Variants in TMEM217B observed in about 807,000 individuals in gnomAD.
TMEM217B encodes the protein putative transmembrane protein 217B.
the TMEM217B span, among the ~76,000 whole-genome samples, chr6:37,231,539 G>A: frequency 2.0e-5 from 3 of 150,356 alleles, no homozygotes; most frequent in African/African-American, 7.3e-5. Context: ...CAGTCATGGT[G>A]GCGTGCACCT....
the TMEM217B span, among the ~76,000 whole-genome samples, chr6:37,243,684 C>T: frequency 3.4e-3 from 518 of 152,206 alleles, 2 homozygotes; most frequent in African/African-American, 0.011. Flanking sequence ...CTGCAACCTC[C>T]GCCTCCTGGG....
At chr6:37,238,722 A>T in the TMEM217B span, among the ~76,000 whole-genome samples, 3 of 152,264 alleles carry the variant, frequency 2.0e-5, no homozygotes, top group Non-Finnish European at 4.4e-5. Context: ...AAGCATGAAG[A>T]CAAAAACAAG....
chr6:37,218,049 G>T, the TMEM217B span: 7 of 1,001,628 alleles, frequency 7.0e-6, no homozygotes, highest in South Asian at 4.4e-5. Context: ...TTGCAGAACT[G>T]CTAAGCAAAA....
At chr6:37,253,456 T>C in the TMEM217B span, among the ~76,000 whole-genome samples, 1 of 152,172 alleles carries the variant, frequency 6.6e-6, no homozygotes, top group African/African-American at 2.4e-5. Flanking sequence ...TCCTATAACC[T>C]CTTACTTTTT....
chr6:37,229,298 C>T, the TMEM217B span, among the ~76,000 whole-genome samples: 1 of 133,602 alleles, frequency 7.5e-6, no homozygotes, highest in African/African-American at 2.8e-5. Context: ...TTCAACAGGA[C>T]TTTGGAAAAT....
At chr6:37,239,474 TAAAA>T in the TMEM217B span, among the ~76,000 whole-genome samples, 22 of 79,278 alleles carry the variant, frequency 2.8e-4, no homozygotes, top group Admixed American at 3.6e-3. Flanking sequence ...GACTCTGTCT[TAAAA>T]AATAAATAAA....
the TMEM217B span, among the ~76,000 whole-genome samples, chr6:37,221,157 T>C: frequency 6.6e-6 from 1 of 152,048 alleles, no homozygotes; most frequent in African/African-American, 2.4e-5. Context: ...TTCTATTAAT[T>C]TGACTACTCT....
the TMEM217B span, chr6:37,257,805 G>C: frequency 9.3e-6 from 11 of 1,180,018 alleles, no homozygotes; most frequent in Non-Finnish European, 8.4e-6. Flanking sequence ...AGCTGGGAGC[G>C]GGTGACCGGC....
the TMEM217B span, among the ~76,000 whole-genome samples, chr6:37,234,695 C>G: frequency 3.3e-5 from 5 of 151,930 alleles, no homozygotes; most frequent in Non-Finnish European, 7.4e-5. Context: ...GAGATGGTGC[C>G]ACTGCACTCC....
At chr6:37,246,883 A>G in the TMEM217B span, among the ~76,000 whole-genome samples, 3 of 145,356 alleles carry the variant, frequency 2.1e-5, no homozygotes, top group Non-Finnish European at 4.5e-5. Flanking sequence ...AGCCTGGGCA[A>G]CAGAGCAAGA....
chr6:37,235,068 A>AT, the TMEM217B span, among the ~76,000 whole-genome samples: 1 of 152,194 alleles, frequency 6.6e-6, no homozygotes, highest in Non-Finnish European at 1.5e-5. Context: ...CAAAATGGTT[A>AT]AAGCTGGCAA....
At chr6:37,230,639 A>G in the TMEM217B span, among the ~76,000 whole-genome samples, 1 of 152,138 alleles carries the variant, frequency 6.6e-6, no homozygotes, top group Non-Finnish European at 1.5e-5. Flanking sequence ...AAAGCCTCAA[A>G]AAAACCCCAA....
At chr6:37,249,239 T>C in the TMEM217B span, among the ~76,000 whole-genome samples, 3 of 152,232 alleles carry the variant, frequency 2.0e-5, no homozygotes, top group African/African-American at 7.2e-5. Context: ...CATTTGTAGA[T>C]TTTGAATTTG....
the TMEM217B span, among the ~76,000 whole-genome samples, chr6:37,239,925 C>T: frequency 1.3e-5 from 2 of 151,290 alleles, no homozygotes; most frequent in Non-Finnish European, 2.9e-5. Context: ...CATTTGGCTG[C>T]AAGGAACAGA....
the TMEM217B span, among the ~76,000 whole-genome samples, chr6:37,243,887 G>C: frequency 3.3e-5 from 5 of 152,152 alleles, no homozygotes; most frequent in Admixed American, 2.6e-4. Context: ...TGGATGGGGG[G>C]GTGCACAGGA....
chr6:37,240,912 T>C, the TMEM217B span, among the ~76,000 whole-genome samples: 2 of 152,288 alleles, frequency 1.3e-5, no homozygotes, highest in African/African-American at 4.8e-5. Flanking sequence ...TTTAACCTAG[T>C]AGTAGGTGAA....
the TMEM217B span, among the ~76,000 whole-genome samples, chr6:37,221,190 CTT>C: frequency 3.5e-5 from 5 of 143,398 alleles, no homozygotes; most frequent in Non-Finnish European, 6.1e-5. Flanking sequence ...TAAGTGGAGT[CTT>C]TTTTTTTTTT....
chr6:37,246,053 C>T, the TMEM217B span, among the ~76,000 whole-genome samples: 603 of 152,232 alleles, frequency 4.0e-3, 4 homozygotes, highest in African/African-American at 0.013. Flanking sequence ...CCACCTGCCT[C>T]GGCCTCCCAA....
chr6:37,240,713 G>A, the TMEM217B span, among the ~76,000 whole-genome samples: 1 of 152,114 alleles, frequency 6.6e-6, no homozygotes, highest in African/African-American at 2.4e-5. Context: ...ATGTATGTGT[G>A]TGTATTTGAG....
Sources: gnomAD v4.1 joint callset for allele counts (sites outside exome capture counted in the v4.1 genomes callset) on GRCh38, gnomAD v4.1.1 for gene constraint, MANE v1.5 for transcripts, NCBI Gene and HGNC (gene_info 2026-07-23, HGNC 2026-07-21) for gene names.